LEKR1: variants seen among roughly 807,000 people sequenced by gnomAD.
The protein encoded by LEKR1 is protein LEKR1.
In LEKR1, 59 loss-of-function variants were observed where a neutral mutation model predicts 72.4. The observed-to-expected ratio is 0.82, with a 90% CI of 0.66 to 1.01. The LOEUF (loss-of-function observed/expected upper bound fraction) is 1.01, where lower values mean the gene tolerates loss of function less well. LEKR1 is among the 50% of genes least tolerant of loss of function. The pLI, the probability that LEKR1 is intolerant of heterozygous loss-of-function variation, is 0.00. For missense variants in LEKR1, 728 were observed against 759.2 expected (o/e 0.96, Z 0.48); for synonymous variants, 257 against 263.2 (o/e 0.98, Z 0.23).
intron 5 of LEKR1, among the ~76,000 whole-genome samples, chr3:156,938,806 C>T: frequency 6.6e-6 from 1 of 152,046 alleles, no homozygotes; most frequent in East Asian, 1.9e-4. Context: ...TTTGTAATAT[C>T]AGAATGCCTT....
chr3:156,879,496 A>G (rs1719028573), intron 3 of LEKR1, among the ~76,000 whole-genome samples: 1 of 152,212 alleles, frequency 6.6e-6, no homozygotes, highest in Non-Finnish European at 1.5e-5. Context: ...AAAGTTCAGA[A>G]AAAAAGTTCA....
At chr3:156,866,907 C>T (rs1418765227) in intron 3 of LEKR1, among the ~76,000 whole-genome samples, 1 of 151,974 alleles carries the variant, frequency 6.6e-6, no homozygotes, top group African/African-American at 2.4e-5. Flanking sequence ...TAGTAAATGC[C>T]CAACAAGTGT....
chr3:157,043,895 G>C (rs967129285), intron 12 of LEKR1, among the ~76,000 whole-genome samples: 7 of 152,176 alleles, frequency 4.6e-5, no homozygotes, highest in Non-Finnish European at 1.0e-4. Context: ...ATATGTAAAT[G>C]ATGAGTATTT....
chr3:156,908,570 C>G (rs752561786), intron 3 of LEKR1, among the ~76,000 whole-genome samples: 2 of 152,158 alleles, frequency 1.3e-5, no homozygotes, highest in African/African-American at 4.8e-5. Context: ...AACATGTGCC[C>G]TTTTAACCTG....
chr3:156,900,513 A>C (rs967796761), intron 3 of LEKR1, among the ~76,000 whole-genome samples: 2 of 152,162 alleles, frequency 1.3e-5, no homozygotes, highest in Non-Finnish European at 2.9e-5. Flanking sequence ...ATCCACTTAA[A>C]ATTAACTTGA....
chr3:157,032,452 T>G (rs1037337796), intron 12 of LEKR1, among the ~76,000 whole-genome samples: 1 of 152,198 alleles, frequency 6.6e-6, no homozygotes, highest in African/African-American at 2.4e-5. Flanking sequence ...TGGTTAAACA[T>G]GGAGAATTGA....
intron 12 of LEKR1, among the ~76,000 whole-genome samples, chr3:157,033,287 TGA>T (rs1006481420): frequency 3.3e-5 from 5 of 152,194 alleles, no homozygotes; most frequent in African/African-American, 1.2e-4. Flanking sequence ...AATCAAAAGT[TGA>T]GATAAGCCAG....
intron 5 of LEKR1, among the ~76,000 whole-genome samples, chr3:156,936,847 C>T (rs1191731680): frequency 3.9e-5 from 6 of 151,956 alleles, no homozygotes; most frequent in Non-Finnish European, 5.9e-5. Flanking sequence ...GTGGATTAAC[C>T]GCAGACTTAA....
At position 156,832,109 on chromosome 3, in the gene LEKR1, G is replaced by T. The variant is rs115808248; in HGVS notation, c.48+2732G>T. On this transcript the variant is annotated intron_variant, in intron 2 of 12. Coordinates refer to ENST00000356539, the MANE Select transcript of LEKR1 (RefSeq NM_001004316.3). ...TAATTGTTGGTATGTATTCATGTGT[G>T]CCAGGTTGAGATCCCAAGGTCTGCA... 6.0e-3 allele frequency among the ~76,000 whole-genome samples: 915 copies of T among 152,268 alleles called. 11 individuals carry two copies. The highest frequency in any genetic ancestry group is 0.021 in the African/African-American group (875 of 41,544).
At chr3:156,890,112 C>T (rs1720508915) in intron 3 of LEKR1, among the ~76,000 whole-genome samples, 1 of 152,100 alleles carries the variant, frequency 6.6e-6, no homozygotes, top group South Asian at 2.1e-4. Flanking sequence ...AGTGCAATGC[C>T]TGGCACTTGG....
intron 12 of LEKR1, among the ~76,000 whole-genome samples, chr3:157,045,045 C>G (rs1381519670): frequency 1.3e-5 from 2 of 152,202 alleles, no homozygotes; most frequent in Non-Finnish European, 2.9e-5. Flanking sequence ...AGTTCTAACT[C>G]CAGCCGCACC....
chr3:156,859,943 T>C (rs9876941), intron 3 of LEKR1, among the ~76,000 whole-genome samples: 3,688 of 152,288 alleles, frequency 0.024, 166 homozygotes, highest in African/African-American at 0.084. Flanking sequence ...TCTATGGCTG[T>C]TGGTGGTTCT....
In LEKR1 at chr3:156,943,058, C is replaced by T. The variant is rs368502933; in HGVS notation, c.745+344C>T. On this transcript the variant is annotated intron_variant, in intron 6 of 12. Coordinates refer to ENST00000356539, the MANE Select transcript of LEKR1 (RefSeq NM_001004316.3). ...GAATCCAGAATTGCAGGCAGTCCTTCATTTTTCCAAATGAAAAAATTTAAA... is the reference window on the plus strand; with the variant it reads ...GAATCCAGAATTGCAGGCAGTCCTTTATTTTTCCAAATGAAAAAATTTAAA... Among the ~76,000 whole-genome samples, 118 of 152,056 alleles carry T rather than the reference C, an allele frequency of 7.8e-4. 1 individual carries two copies. In the South Asian group the frequency reaches 0.013, roughly 17 times the overall value.
At position 156,869,289 on chromosome 3, in the gene LEKR1, T is replaced by G. The variant is rs114164171; in HGVS notation, c.263+16307T>G. On this transcript the variant is annotated intron_variant, in intron 3 of 12. Transcript: ENST00000356539. ...GAAATCTCCATACTGTTTTCTATAG[T>G]GGCTGTACTAATTTACATTCCTATC... 9.6e-3 allele frequency among the ~76,000 whole-genome samples: 1,467 copies of G among 152,198 alleles called. 22 individuals carry two copies. The highest frequency in any genetic ancestry group is 0.034 in the African/African-American group (1,398 of 41,526).
intron 5 of LEKR1, 70 bp downstream of exon 5, chr3:156,927,674 T>C: frequency 1.7e-6 from 1 of 573,354 alleles, no homozygotes; most frequent in Non-Finnish European, 2.5e-6. Flanking sequence ...AATAAAATAA[T>C]GATATTTCAT....
intron 6 of LEKR1, among the ~76,000 whole-genome samples, chr3:156,958,399 T>C (rs1727839396): frequency 1.3e-5 from 2 of 152,154 alleles, no homozygotes; most frequent in Admixed American, 1.3e-4. Context: ...CAGCAAAGTT[T>C]CCATCTCAGA....
At chr3:156,971,880 T>C (rs1729231381) in intron 6 of LEKR1, among the ~76,000 whole-genome samples, 3 of 152,212 alleles carry the variant, frequency 2.0e-5, no homozygotes, top group Admixed American at 1.3e-4. Flanking sequence ...GCAACACTTT[T>C]ACACTGTTGG....
rs1719550294 is a variant in LEKR1 at position 156,882,687 on chromosome 3, A to G, written c.263+29705A>G. Among the ~76,000 whole-genome samples, 3 of 152,322 alleles carry G rather than the reference A, an allele frequency of 2.0e-5. No individual in the cohort carries two copies. In the South Asian group the frequency reaches 6.2e-4, roughly 32 times the overall value. ...AAAGGACTATAAATCATGCTGTTATAAAGACACATGCACACGTATTTTTAT... is the reference window on the plus strand; with the variant it reads ...AAAGGACTATAAATCATGCTGTTATGAAGACACATGCACACGTATTTTTAT... On this transcript the variant is annotated intron_variant, in intron 3 of 12. Coordinates refer to ENST00000356539, the MANE Select transcript of LEKR1 (RefSeq NM_001004316.3).
intron 3 of LEKR1, among the ~76,000 whole-genome samples, chr3:156,856,458 A>G (rs764488948): frequency 1.3e-5 from 2 of 152,160 alleles, no homozygotes; most frequent in Non-Finnish European, 2.9e-5. Flanking sequence ...CTCTAGAATC[A>G]GCTTTTCCGA....
Sources: allele counts gnomAD v4.1 joint callset (sites outside exome capture counted in the v4.1 genomes callset), GRCh38; gene constraint gnomAD v4.1.1; transcripts MANE v1.5; gene names NCBI Gene and HGNC (gene_info 2026-07-23, HGNC 2026-07-21).